MYO3B: variants seen among roughly 807,000 people sequenced by gnomAD.
MYO3B encodes the protein myosin-IIIb.
In MYO3B, 156 loss-of-function variants were observed where a neutral mutation model predicts 174.6. That is an observed-to-expected ratio of 0.89 (90% CI 0.78 to 1.02). The LOEUF (loss-of-function observed/expected upper bound fraction) is 1.02, where lower values mean the gene tolerates loss of function less well. Among genes scored for constraint, MYO3B ranks in the 50% least tolerant of loss-of-function variants. The probability of loss-of-function intolerance (pLI) is 0.00; values close to 1 mark genes in which losing one functional copy is unlikely to be tolerated. For synonymous variants in MYO3B, 563 were observed against 569.1 expected (o/e 0.99, Z 0.15); for missense variants, 1,632 against 1,639.4 (o/e 1.00, Z 0.08).
intron 32 of MYO3B, among the ~76,000 whole-genome samples, chr2:170,571,392 AGCT>A (rs1411935201): frequency 2.6e-5 from 4 of 152,150 alleles, no homozygotes; most frequent in Non-Finnish European, 5.9e-5. Context: ...GGGCTAGCAA[AGCT>A]AGTAGTTTGT....
intron 22 of MYO3B, among the ~76,000 whole-genome samples, chr2:170,417,026 A>G (rs2094585044): frequency 6.6e-6 from 1 of 151,746 alleles, no homozygotes. Context: ...ACGGGGTTTC[A>G]CTGCGTTAGC....
intron 9 of MYO3B, among the ~76,000 whole-genome samples, chr2:170,376,785 G>A (rs1488813678): frequency 6.6e-6 from 1 of 152,196 alleles, no homozygotes; most frequent in Non-Finnish European, 1.5e-5. Context: ...GACACAGGGT[G>A]ACTCTCTAAG....
chr2:170,652,083 T>C (rs1699048373), intron 33 of MYO3B, 25 bp from the exon 34 acceptor site: 1 of 1,604,138 alleles, frequency 6.2e-7, no homozygotes, highest in Non-Finnish European at 8.5e-7. Flanking sequence ...TTGCTTTGAC[T>C]GTGTGTTCTT....
intron 28 of MYO3B, among the ~76,000 whole-genome samples, chr2:170,511,123 G>A (rs1415135787): frequency 1.3e-5 from 2 of 149,964 alleles, no homozygotes; most frequent in African/African-American, 4.9e-5. Context: ...GCAGTGGTGC[G>A]ATCTCAGCTC....
Position 170,387,146 on chromosome 2 carries a change from A to G in MYO3B, c.1415A>G (p.Asn472Ser). The change falls in exon 14 of 35, where the codon AAC (asparagine) becomes AGC (serine). Residue 472 changes from asparagine to serine, a missense_variant. By Grantham distance (46) the Asn-to-Ser change is conservative (BLOSUM62 1). Transcript: ENST00000408978. ...QTLREKILQV[N>S]SLVEAFGNSC... ...TTGAGAGAGAAAATTCTACAAGTCA[A>G]CTCCCTGGTGGAAGCCTTTGGGAAC... is the stretch of plus-strand genomic sequence containing the variant. The G allele has an allele frequency of 1.2e-6, 2 of 1,614,014 alleles. No individual in the cohort carries two copies. The highest frequency in any genetic ancestry group is 1.7e-6 in the Non-Finnish European group (2 of 1,179,932).
At chr2:170,422,905 A>G (rs2094627887) in intron 22 of MYO3B, among the ~76,000 whole-genome samples, 3 of 151,966 alleles carry the variant, frequency 2.0e-5, no homozygotes, top group Admixed American at 1.3e-4. Flanking sequence ...TTTTGTACTA[A>G]GTCTTCAAAA....
chr2:170,253,395 G>A (rs1051553754), intron 7 of MYO3B, among the ~76,000 whole-genome samples: 1 of 152,166 alleles, frequency 6.6e-6, no homozygotes, highest in Non-Finnish European at 1.5e-5. Flanking sequence ...GTTGTGCAAG[G>A]AGCTAACTTG....
chr2:170,244,866 G>T (rs2093172430), intron 7 of MYO3B, among the ~76,000 whole-genome samples: 1 of 152,144 alleles, frequency 6.6e-6, no homozygotes, highest in Non-Finnish European at 1.5e-5. Flanking sequence ...AAAATTTGTT[G>T]TGACATCTTA....
At chr2:170,486,520 C>G (rs189283219) in intron 25 of MYO3B, among the ~76,000 whole-genome samples, 5 of 152,194 alleles carry the variant, frequency 3.3e-5, no homozygotes, top group Non-Finnish European at 7.4e-5. Context: ...AGGCTGGTCT[C>G]GAACTCCTGA....
chr2:170,467,148 T>G (rs1461426762), intron 25 of MYO3B, among the ~76,000 whole-genome samples: 1 of 152,206 alleles, frequency 6.6e-6, no homozygotes, highest in African/African-American at 2.4e-5. Context: ...AGGGCACTAT[T>G]CTAAAATGTA....
chr2:170,296,039 C>A (rs1400658631), intron 7 of MYO3B, among the ~76,000 whole-genome samples: 1 of 152,036 alleles, frequency 6.6e-6, no homozygotes, highest in Non-Finnish European at 1.5e-5. Flanking sequence ...TAAAATAATG[C>A]CTACTAATTT....
intron 25 of MYO3B, among the ~76,000 whole-genome samples, chr2:170,477,451 T>C (rs1685385761): frequency 6.6e-6 from 1 of 152,150 alleles, no homozygotes; most frequent in Admixed American, 6.5e-5. Flanking sequence ...GAGTGGACTT[T>C]ACTCATTTTT....
At chr2:170,632,684 C>T (rs193145436) in intron 32 of MYO3B, among the ~76,000 whole-genome samples, 7 of 152,054 alleles carry the variant, frequency 4.6e-5, no homozygotes, top group South Asian at 2.1e-4. Flanking sequence ...AAAAAACCAA[C>T]GAATCCAGGA....
At chr2:170,430,820 A>G (rs2094702796) in intron 22 of MYO3B, among the ~76,000 whole-genome samples, 2 of 152,316 alleles carry the variant, frequency 1.3e-5, no homozygotes, top group Admixed American at 6.5e-5. Flanking sequence ...GAGAATATGG[A>G]GGAGGTGTGT....
intron 7 of MYO3B, among the ~76,000 whole-genome samples, chr2:170,304,270 T>G (rs1036277530): frequency 6.6e-6 from 1 of 152,130 alleles, no homozygotes; most frequent in Non-Finnish European, 1.5e-5. Flanking sequence ...AACACCATTT[T>G]CTTACATTTT....
chr2:170,444,758 G>A (rs1264681847), intron 23 of MYO3B, among the ~76,000 whole-genome samples: 2 of 152,104 alleles, frequency 1.3e-5, no homozygotes, highest in Non-Finnish European at 1.5e-5. Flanking sequence ...TTGCAGAGTG[G>A]GAACTCAAAT....
At chr2:170,550,997 C>G (rs1055648199) in intron 32 of MYO3B, among the ~76,000 whole-genome samples, 2 of 139,952 alleles carry the variant, frequency 1.4e-5, no homozygotes, top group Non-Finnish European at 3.1e-5. Context: ...CTCCTGGATT[C>G]AAGCTTTTCT....
At chr2:170,545,406 G>C (rs938288461) in intron 32 of MYO3B, among the ~76,000 whole-genome samples, 3 of 152,200 alleles carry the variant, frequency 2.0e-5, no homozygotes, top group African/African-American at 7.2e-5. Context: ...CTGGCTCATA[G>C]TAAGTGTTTA....
chr2:170,268,041 C>G lies in MYO3B; in HGVS notation c.749+31905C>G, dbSNP rs758745071. Among the ~76,000 whole-genome samples the G allele has an allele frequency of 2.7e-4, 41 of 152,054 alleles. 1 individual carries two copies. Among genetic ancestry groups the G allele is most frequent in the Non-Finnish European group, 4.1e-4 (28 of 68,020 alleles). On this transcript the variant is annotated intron_variant, in intron 7 of 34. Transcript: ENST00000408978. ...TGGCGAACATGGTGAAACCCCGTCT[C>G]TACTAAAAATACAAAAAAATTATCT...
Sources: allele counts gnomAD v4.1 joint callset (sites outside exome capture counted in the v4.1 genomes callset), GRCh38; gene constraint gnomAD v4.1.1; transcripts MANE v1.5; gene names NCBI Gene and HGNC (gene_info 2026-07-23, HGNC 2026-07-21).